Variants in THOC7 observed in about 807,000 individuals in gnomAD.
THOC7 encodes NIF3L1-binding protein 1.
A neutral mutation model predicts 33.1 loss-of-function variants in THOC7; 22 were observed. The observed-to-expected ratio is 0.66, with a 90% CI of 0.47 to 0.95. The LOEUF (loss-of-function observed/expected upper bound fraction) is 0.95, where lower values mean the gene tolerates loss of function less well. THOC7 is among the 40% of genes least tolerant of loss of function. The pLI, the probability that THOC7 is intolerant of heterozygous loss-of-function variation, is 0.00. For synonymous variants in THOC7, 77 were observed against 76.8 expected, an observed-to-expected ratio of 1.00 and a Z score of -0.01; for missense variants, 184 against 245.3, an observed-to-expected ratio of 0.75 and a Z score of 1.67.
At chr3:63,863,374 G>A in intron 1 of THOC7, 1 of 927,928 alleles carries the variant, frequency 1.1e-6, no homozygotes, top group South Asian at 5.1e-5. Context: ...CACCCTTCGC[G>A]GCTCCTGGGT....
chr3:63,838,157 C>G (rs1209191319), intron 3 of THOC7, 95 bp from the exon 4 acceptor site: 17 of 1,164,410 alleles, frequency 1.5e-5, no homozygotes, highest in Non-Finnish European at 2.1e-5. Context: ...CTATTGGTAA[C>G]AAAATAGACA....
chr3:63,856,031 A>T (rs778243343), intron 1 of THOC7, among the ~76,000 whole-genome samples: 2 of 152,242 alleles, frequency 1.3e-5, no homozygotes, highest in Non-Finnish European at 2.9e-5. Flanking sequence ...GAATATATCT[A>T]TGCAAATATC....
intron 1 of THOC7, among the ~76,000 whole-genome samples, chr3:63,843,626 C>G (rs560215749): frequency 6.6e-6 from 1 of 151,972 alleles, no homozygotes; most frequent in East Asian, 2.0e-4. Context: ...GTGGGCTGGG[C>G]GTGGTGGCTC....
At chr3:63,853,715 T>C (rs1702059002) in intron 1 of THOC7, among the ~76,000 whole-genome samples, 1 of 152,180 alleles carries the variant, frequency 6.6e-6, no homozygotes, top group Non-Finnish European at 1.5e-5. Flanking sequence ...GAGACCATCC[T>C]GGCTAACGCG....
chr3:63,835,104 T>C (rs1189983242), intron 7 of THOC7, 50 bp downstream of exon 7: 5 of 1,567,394 alleles, frequency 3.2e-6, no homozygotes, highest in South Asian at 2.3e-5. Flanking sequence ...CATCCCTGGG[T>C]CATTTAAAAA....
rs574523951 is a variant in THOC7 at position 63,850,984 on chromosome 3, T to C, written c.20-11211A>G. Among the ~76,000 whole-genome samples, 8 of 152,298 alleles carry C rather than the reference T, an allele frequency of 5.3e-5. No individual in the cohort carries two copies. In the East Asian group the frequency reaches 9.7e-4, roughly 18 times the overall value. On this transcript the variant is annotated intron_variant, in intron 1 of 7. Transcript: ENST00000295899. ...ATATTTCTTGTTGCACATAAATACATTGGGTATTGTAGAGCAGATTACTTT... is the reference window on the plus strand; with the variant it reads ...ATATTTCTTGTTGCACATAAATACACTGGGTATTGTAGAGCAGATTACTTT...
chr3:63,842,944 G>C (rs1164962167), intron 1 of THOC7, among the ~76,000 whole-genome samples: 1 of 151,826 alleles, frequency 6.6e-6, no homozygotes, highest in Admixed American at 6.6e-5. Flanking sequence ...ATCATGCCTA[G>C]CTAATTTTTG....
chr3:63,834,667 A>G (rs1418992666), intron 7 of THOC7, among the ~76,000 whole-genome samples: 1 of 152,000 alleles, frequency 6.6e-6, no homozygotes, highest in East Asian at 1.9e-4. Context: ...TAAAAAAAAA[A>G]AAAAGAAAAG....
At position 63,835,371 on chromosome 3, in the gene THOC7, T is replaced by C. The variant is rs529873264; in HGVS notation, c.430A>G (p.Lys144Glu). 4 of 1,613,506 alleles carry C rather than the reference T, an allele frequency of 2.5e-6. No homozygotes were observed. The African/African-American group carries it at 4.0e-5, about 16-fold the overall frequency. Reference sequence around the variant, plus strand: ...ATGTGTGAAAGATGCTCTAATTCTTTTCCCAGAGCCTCTAGTTCCCTGGAA... The same window carrying C: ...ATGTGTGAAAGATGCTCTAATTCTTCTCCCAGAGCCTCTAGTTCCCTGGAA... ...ETLKELEALG[K>E]ELEHLSHIKE... The change falls in exon 6 of 8, where the codon AAA becomes GAA. Residue 144 changes from lysine (K) to glutamate (E), a missense_variant. Lys to Glu is a moderately conservative substitution (Grantham distance 56). This residue lies in a region of THOC7 where 157 missense variants were observed against 201.3 expected (regional missense o/e 0.78). Coordinates refer to ENST00000295899, the MANE Select transcript of THOC7 (RefSeq NM_025075.4).
intron 1 of THOC7, among the ~76,000 whole-genome samples, chr3:63,844,732 T>C (rs550987460): frequency 2.0e-5 from 3 of 152,180 alleles, no homozygotes; most frequent in Non-Finnish European, 4.4e-5. Context: ...GTGATACCTT[T>C]TGCCATGTTA....
At chr3:63,834,443 T>G (rs952631747) in intron 7 of THOC7, among the ~76,000 whole-genome samples, 6 of 151,898 alleles carry the variant, frequency 4.0e-5, no homozygotes, top group Middle Eastern at 3.4e-3. Context: ...GTGGATCACC[T>G]GAGGTCAGGA....
intron 1 of THOC7, chr3:63,861,618 GC>G (rs1702215366): frequency 6.6e-6 from 1 of 152,100 alleles, no homozygotes; most frequent in African/African-American, 2.4e-5. Flanking sequence ...TACTATCTGT[GC>G]GACCTTAGGC....
chr3:63,835,733 C>T (rs753865223), intron 5 of THOC7, among the ~76,000 whole-genome samples: 4 of 151,984 alleles, frequency 2.6e-5, no homozygotes, highest in Non-Finnish European at 5.9e-5. Context: ...CCAATTAACT[C>T]GAAATACCCT....
At chr3:63,863,660 A>G (rs901164833) in intron 1 of THOC7, 112 bp downstream of exon 1, 11 of 1,222,764 alleles carry the variant, frequency 9.0e-6, no homozygotes, top group African/African-American at 3.2e-5. Context: ...CGCTCTGGCG[A>G]AGAGGCCGGG....
upstream of THOC7, chr3:63,864,458 G>A (rs924216306): frequency 1.3e-5 from 2 of 152,206 alleles, no homozygotes; most frequent in Admixed American, 1.3e-4. Context: ...CGGCACTTGC[G>A]CGGGGCGCGG....
chr3:63,851,506 A>G (rs980610216), intron 1 of THOC7, among the ~76,000 whole-genome samples: 1 of 152,208 alleles, frequency 6.6e-6, no homozygotes, highest in Non-Finnish European at 1.5e-5. Flanking sequence ...ACCTAGACTA[A>G]GTCGTTACCC....
At position 63,840,230 on chromosome 3, in the gene THOC7, C is replaced by T. The variant is rs1039002313; in HGVS notation, c.20-457G>A. On this transcript the variant is annotated intron_variant, in intron 1 of 7. Coordinates refer to ENST00000295899, the MANE Select transcript of THOC7 (RefSeq NM_025075.4). Reference sequence around the variant, plus strand: ...TAATGTCTCTGGCTGTTGAGAAGCACTGACAAAAGGAATAGACAGGAAATA... The same window carrying T: ...TAATGTCTCTGGCTGTTGAGAAGCATTGACAAAAGGAATAGACAGGAAATA... Among the ~76,000 whole-genome samples, 9 of 151,696 alleles carry T rather than the reference C, an allele frequency of 5.9e-5. No individual in the cohort carries two copies. The East Asian group carries it at 1.7e-3, about 29-fold the overall frequency.
chr3:63,842,737 C>T (rs1393759800), intron 1 of THOC7, among the ~76,000 whole-genome samples: 1 of 152,172 alleles, frequency 6.6e-6, no homozygotes, highest in South Asian at 2.1e-4. Flanking sequence ...AAAAAAACTA[C>T]ATTGGGTACA....
chr3:63,858,126 C>A (rs989538415), intron 1 of THOC7, among the ~76,000 whole-genome samples: 1 of 152,180 alleles, frequency 6.6e-6, no homozygotes. Flanking sequence ...AGCATTTATA[C>A]CACCCTAGTT....
Sources: gnomAD v4.1 joint callset for allele counts (sites outside exome capture counted in the v4.1 genomes callset) on GRCh38, gnomAD v4.1.1 for gene constraint, gnomAD v4.1.1 regional missense constraint, MANE v1.5 for transcripts, NCBI Gene and HGNC (gene_info 2026-07-23, HGNC 2026-07-21) for gene names.